HMGCLL1: variants seen among roughly 807,000 people sequenced by gnomAD.
The protein encoded by HMGCLL1 is 3-hydroxymethyl-3-methylglutaryl-CoA lyase, cytoplasmic.
Under a neutral mutation model 39.1 loss-of-function variants are expected in HMGCLL1, and 36 were observed. The ratio of observed to expected loss-of-function variants is 0.92; its 90% CI spans 0.71 to 1.22. The LOEUF (loss-of-function observed/expected upper bound fraction) is 1.22. HMGCLL1 is among the 50% of genes most tolerant of loss of function. The probability of loss-of-function intolerance (pLI) is 0.00; values close to 1 mark genes in which losing one functional copy is unlikely to be tolerated. For missense variants in HMGCLL1, 451 were observed against 416.5 expected, an observed-to-expected ratio of 1.08 and a Z score of -0.72; for synonymous variants, 149 against 144.0, an observed-to-expected ratio of 1.03 and a Z score of -0.25.
At chr6:55,622,976 G>T in the HMGCLL1 span, among the ~76,000 whole-genome samples, 1 of 151,890 alleles carries the variant, frequency 6.6e-6, no homozygotes, top group African/African-American at 2.4e-5. Flanking sequence ...ATTTCTTCCT[G>T]GTTCAATCTT....
intron 1 of HMGCLL1, among the ~76,000 whole-genome samples, chr6:55,575,158 G>C (rs1771701370): frequency 6.6e-6 from 1 of 151,916 alleles, no homozygotes; most frequent in Non-Finnish European, 1.5e-5. Context: ...TTTTAACAGA[G>C]ACAACTACAG....
chr6:55,649,675 C>G, the HMGCLL1 span, among the ~76,000 whole-genome samples: 1 of 152,048 alleles, frequency 6.6e-6, no homozygotes, highest in South Asian at 2.1e-4. Flanking sequence ...ACTTTCTACC[C>G]CTATCTCTCT....
At chr6:55,472,871 G>A (rs1365450807) in intron 7 of HMGCLL1, among the ~76,000 whole-genome samples, 1 of 151,352 alleles carries the variant, frequency 6.6e-6, no homozygotes, top group Admixed American at 6.6e-5. Flanking sequence ...AACTATAATA[G>A]TGAATCTGCC....
chr6:55,468,669 A>G (rs554365547), intron 7 of HMGCLL1, among the ~76,000 whole-genome samples: 9 of 152,120 alleles, frequency 5.9e-5, no homozygotes, highest in African/African-American at 1.7e-4. Flanking sequence ...TTGAAATTCA[A>G]AATTTACAGA....
At chr6:55,442,253 G>A (rs1025961972) in intron 7 of HMGCLL1, among the ~76,000 whole-genome samples, 2 of 151,596 alleles carry the variant, frequency 1.3e-5, no homozygotes, top group South Asian at 2.1e-4. Flanking sequence ...AGAATGGGGA[G>A]TATCTACACA....
chr6:55,553,386 C>T (rs141175400), intron 1 of HMGCLL1, among the ~76,000 whole-genome samples: 4 of 151,418 alleles, frequency 2.6e-5, no homozygotes, highest in Non-Finnish European at 4.4e-5. Flanking sequence ...TGTGGTGAAT[C>T]GAAATCAGGC....
At chr6:55,541,705 T>C in intron 3 of HMGCLL1, 24 bp downstream of exon 3, 1 of 1,190,562 alleles carries the variant, frequency 8.4e-7, no homozygotes, top group East Asian at 2.4e-5. Flanking sequence ...TAGGATCTAA[T>C]TAAGAAATTG....
chr6:55,630,023 G>A, the HMGCLL1 span, among the ~76,000 whole-genome samples: 1 of 152,184 alleles, frequency 6.6e-6, no homozygotes, highest in African/African-American at 2.4e-5. Flanking sequence ...ACATAGTGGA[G>A]CTGTGAGAAG....
At chr6:55,538,179 C>A (rs1324832485) in intron 3 of HMGCLL1, among the ~76,000 whole-genome samples, 1 of 152,104 alleles carries the variant, frequency 6.6e-6, no homozygotes, top group Admixed American at 6.5e-5. Context: ...ATGAACATTA[C>A]TATAGGAAAG....
intron 8 of HMGCLL1, among the ~76,000 whole-genome samples, chr6:55,437,864 A>T (rs957108588): frequency 1.3e-5 from 2 of 152,030 alleles, no homozygotes; most frequent in Non-Finnish European, 2.9e-5. Flanking sequence ...GTAGTAAGGG[A>T]AGGACAACCA....
intron 7 of HMGCLL1, among the ~76,000 whole-genome samples, chr6:55,459,995 G>T (rs1158058310): frequency 6.6e-6 from 1 of 151,944 alleles, no homozygotes; most frequent in African/African-American, 2.4e-5. Flanking sequence ...TAGAACATCT[G>T]TAAGTACTAT....
the HMGCLL1 span, among the ~76,000 whole-genome samples, chr6:55,627,553 T>C: frequency 6.9e-4 from 105 of 151,988 alleles, no homozygotes; most frequent in Middle Eastern, 3.4e-3. Context: ...ATACAAAGTA[T>C]TAATCCTGGG....
chr6:55,527,776 T>C (rs2127446330), intron 3 of HMGCLL1, among the ~76,000 whole-genome samples: 1 of 152,136 alleles, frequency 6.6e-6, no homozygotes, highest in East Asian at 1.9e-4. Context: ...AAAACTAAAG[T>C]TTGGAAAAAT....
At chr6:55,465,503 G>A (rs78785892) in intron 7 of HMGCLL1, among the ~76,000 whole-genome samples, 4,722 of 151,946 alleles carry the variant, frequency 0.031, 232 homozygotes, top group African/African-American at 0.11. Flanking sequence ...CCTCTGTAAT[G>A]CTGAAACAGT....
chr6:55,640,151 G>GCAGGTGGGAGATAGGAGGA, the HMGCLL1 span, among the ~76,000 whole-genome samples: 1 of 151,634 alleles, frequency 6.6e-6, no homozygotes, highest in Non-Finnish European at 1.5e-5. Context: ...GAGGAGGAGG[G>GCAGGTGGGAGATAGGAGGA]GCAGGTGGGA....
At chr6:55,524,389 C>T (rs1411364425) in intron 3 of HMGCLL1, among the ~76,000 whole-genome samples, 2 of 147,734 alleles carry the variant, frequency 1.4e-5, no homozygotes, top group Non-Finnish European at 3.0e-5. Flanking sequence ...TTTAAAATTT[C>T]ATAAGTTCTT....
At chr6:55,669,260 A>G in the HMGCLL1 span, among the ~76,000 whole-genome samples, 1 of 151,902 alleles carries the variant, frequency 6.6e-6, no homozygotes, top group Non-Finnish European at 1.5e-5. Context: ...TGGAACAGTG[A>G]ATGATGTACA....
At chr6:55,622,905 T>C in the HMGCLL1 span, among the ~76,000 whole-genome samples, 1 of 152,066 alleles carries the variant, frequency 6.6e-6, no homozygotes, top group Admixed American at 6.6e-5. Context: ...TTTTCTTTGC[T>C]GGGAGACTTT....
At chr6:55,493,608 G>A (rs962289209) in intron 7 of HMGCLL1, among the ~76,000 whole-genome samples, 2 of 151,952 alleles carry the variant, frequency 1.3e-5, no homozygotes, top group Non-Finnish European at 2.9e-5. Context: ...CCTTCTCCAA[G>A]GACTTTTGCT....
Sources: gnomAD v4.1 joint callset for allele counts (sites outside exome capture counted in the v4.1 genomes callset) on GRCh38, gnomAD v4.1.1 for gene constraint, MANE v1.5 for transcripts, NCBI Gene and HGNC (gene_info 2026-07-23, HGNC 2026-07-21) for gene names.